The following PPAN variants were observed in gnomAD, a reference collection of about 807,000 sequenced individuals.
PPAN encodes the protein peter pan homolog.
PPAN carries 39 observed loss-of-function variants against 48.5 expected under a neutral mutation model. The ratio of observed to expected loss-of-function variants is 0.80; its 90% CI spans 0.62 to 1.05. The LOEUF (loss-of-function observed/expected upper bound fraction) is 1.05. Among genes scored for constraint, PPAN ranks in the 50% least tolerant of loss-of-function variants. PPAN has a pLI of 0.00. For synonymous variants in PPAN, 315 were observed against 268.6 expected, an observed-to-expected ratio of 1.17 and a Z score of -1.69; for missense variants, 736 against 661.7, an observed-to-expected ratio of 1.11 and a Z score of -1.23.
upstream of PPAN, chr19:10,106,310 G>T (rs766612887): frequency 4.6e-4 from 715 of 1,541,464 alleles, 13 homozygotes; most frequent in South Asian, 6.7e-3. Context: ...GTCGTCCCAC[G>T]CCGTGCCGGC....
At chr19:10,108,466 G>A (rs950741160) in intron 5 of PPAN, among the ~76,000 whole-genome samples, 20 of 152,080 alleles carry the variant, frequency 1.3e-4, no homozygotes, top group African/African-American at 4.8e-4. Flanking sequence ...GGGAAGCTGC[G>A]GGCCCAGTGC....
At position 10,107,573 on chromosome 19, in the gene PPAN, G is replaced by C. The variant is rs1568481960; in HGVS notation, c.258G>C (p.Leu86=). The C allele has an allele frequency of 6.2e-7, 1 of 1,614,088 alleles. No individual in the cohort carries two copies. ...VAGPLGVTHF[L]ILSKTETNVY... ...GGCCCCTCGGGGTCACACACTTTCT[G>C]ATCCTGAGCAAAACAGAGACCAATG... Residue 86 remains leucine (L), a synonymous_variant, in exon 3 of 12, where the codon CTG becomes CTC. Coordinates refer to ENST00000253107, the MANE Select transcript of PPAN (RefSeq NM_020230.7).
Position 10,111,838 on chromosome 19 carries a change from A to T in PPAN, c.*673A>T. On this transcript the variant is annotated 3_prime_UTR_variant, in exon 12 of 12. Transcript: ENST00000253107. ...AAAACACCTAGGTCTGGGGCTGGGC[A>T]CGGTGGCTCACGCCTGTAATCCCAG... The T allele has an allele frequency of 7.2e-7, 1 of 1,395,902 alleles. No homozygotes were observed. The highest frequency in any genetic ancestry group is 1.0e-6 in the Non-Finnish European group (1 of 1,000,046). The allele number at this position is 1,395,902 out of a possible 1,614,324, so 86.5% of individuals were successfully genotyped here.
chr19:10,109,470 C>A (rs2088963062), intron 5 of PPAN, among the ~76,000 whole-genome samples, 161 bp from the exon 6 acceptor site: 1 of 152,174 alleles, frequency 6.6e-6, no homozygotes, highest in African/African-American at 2.4e-5. Flanking sequence ...GCAGTCCCAC[C>A]ACTTCAGCCT....
chr19:10,110,932 T>G lies in PPAN; in HGVS notation c.1202-13T>G, dbSNP rs763758206. On this transcript the variant is annotated splice_polypyrimidine_tract_variant and intron_variant, in intron 11 of 11. Transcript: ENST00000253107. This position sits in a 1 kb window ranked among gnomAD's most constrained non-coding sequence, Gnocchi z 5.9. ...CTTGTCTCTGGGGGCCCTGACACTG[T>G]CTCTCCCCACAGACCTGTTCCCCGA... The G allele has an allele frequency of 1.5e-5, 25 of 1,613,022 alleles. No individual in the cohort carries two copies. The African/African-American group carries it at 3.3e-4, about 22-fold the overall frequency.
At chr19:10,106,860 G>C in intron 2 of PPAN, 189 bp downstream of exon 2, 1 of 937,880 alleles carries the variant, frequency 1.1e-6, no homozygotes, top group Non-Finnish European at 1.6e-6. Flanking sequence ...CGCAGCTTGG[G>C]AGATAGATAG....
Position 10,109,666 on chromosome 19 carries a change from C to G in PPAN, c.549C>G (p.Ile183Met). 1 of 1,613,960 alleles carries G rather than the reference C, an allele frequency of 6.2e-7. No individual in the cohort carries two copies. Among genetic ancestry groups the G allele is most frequent in the Non-Finnish European group, 8.5e-7 (1 of 1,179,934 alleles). ...ACACCATCAAGCGCTGCCTCCTCATCGACTACAACCCCGACTCCCAGGAGC... is the reference window on the plus strand; with the variant it reads ...ACACCATCAAGCGCTGCCTCCTCATGGACTACAACCCCGACTCCCAGGAGC... ...NLNTIKRCLL[I>M]DYNPDSQELD... The change falls in exon 6 of 12, where the codon ATC (isoleucine) becomes ATG (methionine). Residue 183 changes from isoleucine to methionine, a missense_variant. By Grantham distance (10) the Ile-to-Met change is conservative. Transcript: ENST00000253107.
In PPAN at chr19:10,111,877, C is replaced by A; in HGVS notation, c.*712C>A. ...CTGTAATCCCAGCACTTTGGGAGGT[C>A]GAGGGGGGTGGAACACGAGGTCAGG... On this transcript the variant is annotated 3_prime_UTR_variant, in exon 12 of 12. Transcript: ENST00000253107. The A allele has an allele frequency of 9.2e-6, 9 of 982,690 alleles. No homozygotes were observed. The South Asian group carries it at 1.0e-4, about 11-fold the overall frequency. The allele number at this position is 982,690 out of a possible 1,614,324, so 60.9% of individuals were successfully genotyped here. A position where few individuals can be genotyped will look rare whatever the true frequency, so the allele number is the denominator to read the frequency against.
At chr19:10,107,155 C>G (rs936558003) in intron 2 of PPAN, 15 of 396,508 alleles carry the variant, frequency 3.8e-5, no homozygotes, top group African/African-American at 3.1e-4. Flanking sequence ...CCACTTCACT[C>G]CAGTCTGGGC....
intron 2 of PPAN, chr19:10,106,913 G>A: frequency 4.3e-6 from 3 of 690,506 alleles, no homozygotes; most frequent in South Asian, 1.8e-5. Context: ...GGAGCCGGGC[G>A]TGGTGGCTCA....
intron 5 of PPAN, 130 bp from the exon 6 acceptor site, chr19:10,109,500 AG>A: frequency 9.0e-7 from 1 of 1,110,154 alleles, no homozygotes; most frequent in South Asian, 1.6e-5. Context: ...CTAAAACTGC[AG>A]GTGCGAGCTG....
In PPAN at chr19:10,110,410, C is replaced by T. The variant is rs74668408; in HGVS notation, c.901+8C>T. Reference sequence around the variant, plus strand: ...TGATGTTCCACAGTTTTGGTGAGGCCGGGGCCGCCGGGGGTGGGGGGTCAT... The same window carrying T: ...TGATGTTCCACAGTTTTGGTGAGGCTGGGGCCGCCGGGGGTGGGGGGTCAT... On this transcript the variant is annotated splice_region_variant and intron_variant, in intron 9 of 11. Coordinates refer to ENST00000253107, the MANE Select transcript of PPAN (RefSeq NM_020230.7). The surrounding 1 kb of genome is among the most constrained non-coding windows in gnomAD (Gnocchi z 5.9). The T allele has an allele frequency of 3.8e-3, 6,180 of 1,612,678 alleles. 187 individuals carry two copies. The South Asian group carries it at 0.045, about 12-fold the overall frequency.
rs2089061171 is a variant in PPAN, at chr19:10,111,265, C to T, written c.*100C>T. The T allele has an allele frequency of 7.7e-7, 1 of 1,295,932 alleles. No homozygotes were observed. Among genetic ancestry groups the T allele is most frequent in the African/African-American group, 1.5e-5 (1 of 66,800 alleles). The allele number at this position is 1,295,932 out of a possible 1,614,324, so 80.3% of individuals were successfully genotyped here. ...TTCATAAAGGAGTTGTGTCCCCAGC[C>T]CTTCCACTCCAGTAAAGAACTGAAT... On this transcript the variant is annotated 3_prime_UTR_variant, in exon 12 of 12. Coordinates refer to ENST00000253107, the MANE Select transcript of PPAN (RefSeq NM_020230.7).
rs1263789425 is a variant in PPAN, at chr19:10,110,995, A to G, written c.1252A>G (p.Lys418Glu). The G allele has an allele frequency of 1.1e-5, 17 of 1,613,016 alleles. No individual in the cohort carries two copies. Among genetic ancestry groups the G allele is most frequent in the Admixed American group, 3.3e-5 (2 of 59,990 alleles). The change falls in exon 12 of 12, where the codon AAG (lysine) becomes GAG (glutamate). Residue 418 changes from lysine to glutamate, a missense_variant. By Grantham distance (56) the Lys-to-Glu change is moderately conservative (BLOSUM62 1). Coordinates refer to ENST00000253107, the MANE Select transcript of PPAN (RefSeq NM_020230.7). This position sits in a 1 kb window ranked among gnomAD's most constrained non-coding sequence, Gnocchi z 5.9. ...ACGGCTTGCCAAGTCTCCAGGGCGG[A>G]AGCGGAAGCGGTGGGAAATGGATCG... ...QKRLAKSPGRKRKRWEMDRGR... is the reference protein window; with the variant it reads ...QKRLAKSPGRERKRWEMDRGR...
chr19:10,107,388 G>C, intron 2 of PPAN, 117 bp from the exon 3 acceptor site: 1 of 1,070,470 alleles, frequency 9.3e-7, no homozygotes, highest in Non-Finnish European at 1.3e-6. Context: ...TTGCTCCTCT[G>C]GGCTTGTTGA....
chr19:10,108,192 C>T, intron 5 of PPAN, 58 bp downstream of exon 5: 2 of 1,555,518 alleles, frequency 1.3e-6, no homozygotes, highest in Middle Eastern at 2.0e-4. Flanking sequence ...AGAGGTGCCA[C>T]AGGCCCTCAG....
At position 10,110,928 on chromosome 19, in the gene PPAN, A is replaced by G. The variant is rs2089038853; in HGVS notation, c.1202-17A>G. 1.2e-6 allele frequency: 2 copies of G among 1,613,236 alleles called. No homozygotes were observed. The highest frequency in any genetic ancestry group is 1.7e-6 in the Non-Finnish European group (2 of 1,179,852). ...TGTCCTTGTCTCTGGGGGCCCTGAC[A>G]CTGTCTCTCCCCACAGACCTGTTCC... On this transcript the variant is annotated splice_polypyrimidine_tract_variant and intron_variant, in intron 11 of 11. Coordinates refer to ENST00000253107, the MANE Select transcript of PPAN (RefSeq NM_020230.7). This position sits in a 1 kb window ranked among gnomAD's most constrained non-coding sequence, Gnocchi z 5.9.
rs751572234 is a variant in PPAN at position 10,110,315 on chromosome 19, T to C, written c.823-9T>C. The C allele has an allele frequency of 6.2e-7, 1 of 1,613,276 alleles. No individual in the cohort carries two copies. The highest frequency in any genetic ancestry group is 1.3e-5 in the African/African-American group (1 of 74,778). On this transcript the variant is annotated splice_polypyrimidine_tract_variant and intron_variant, in intron 8 of 11. Coordinates refer to ENST00000253107, the MANE Select transcript of PPAN (RefSeq NM_020230.7). The surrounding 1 kb of genome is among the most constrained non-coding windows in gnomAD (Gnocchi z 5.9). ...ACGGTGGGCTGACGCTTCTTCCTCG[T>C]CCCCTCAGATCGGCCCGCGGATGAC... is the stretch of plus-strand genomic sequence containing the variant.
rs1015575652 is a variant in PPAN, at chr19:10,110,337, T to C, written c.836T>C (p.Met279Thr). The C allele has an allele frequency of 8.7e-6, 14 of 1,613,488 alleles. No homozygotes were observed. The highest frequency in any genetic ancestry group is 1.2e-5 in the Non-Finnish European group (14 of 1,179,930). The part of the protein sequence containing the change: ...AVRLTEIGPR[M>T]TLQLIKVQEG... ...TCGTCCCCTCAGATCGGCCCGCGGA[T>C]GACACTGCAGCTCATCAAGGTCCAG... The change falls in exon 9 of 12, where the codon ATG (methionine) becomes ACG (threonine). Residue 279 changes from methionine (M) to threonine (T), a missense_variant. By Grantham distance (81) the Met-to-Thr change is moderately conservative (BLOSUM62 -1). Coordinates refer to ENST00000253107, the MANE Select transcript of PPAN (RefSeq NM_020230.7). This position sits in a 1 kb window ranked among gnomAD's most constrained non-coding sequence, Gnocchi z 5.9.
Sources: allele counts gnomAD v4.1 joint callset (sites outside exome capture counted in the v4.1 genomes callset), GRCh38; gene constraint gnomAD v4.1.1; non-coding constraint Gnocchi (gnomAD v3.1); transcripts MANE v1.5; gene names NCBI Gene and HGNC (gene_info 2026-07-23, HGNC 2026-07-21).